NCS1: variants seen among roughly 807,000 people sequenced by gnomAD.
NCS1 encodes the protein neuronal calcium sensor 1.
NCS1 carries 6 observed loss-of-function variants against 28.4 expected under a neutral mutation model. The ratio of observed to expected loss-of-function variants is 0.21; its 90% CI spans 0.12 to 0.42. The LOEUF (loss-of-function observed/expected upper bound fraction) is 0.42. Ranked by LOEUF, NCS1 falls within the 10% of genes least tolerant of loss-of-function variation. The pLI is 1.00. For missense variants in NCS1, 131 were observed against 241.4 expected, an observed-to-expected ratio of 0.54 and a Z score of 3.03; for synonymous variants, 86 against 99.3, an observed-to-expected ratio of 0.87 and a Z score of 0.79.
chr9:130,190,169 C>T (rs1289321669), intron 1 of NCS1, among the ~76,000 whole-genome samples: 2 of 151,716 alleles, frequency 1.3e-5, no homozygotes, highest in Non-Finnish European at 2.9e-5. Context: ...CCACCTAAAA[C>T]AAGAACATGC....
At chr9:130,198,178 G>A (rs1832899658) in intron 1 of NCS1, among the ~76,000 whole-genome samples, 1 of 152,216 alleles carries the variant, frequency 6.6e-6, no homozygotes, top group African/African-American at 2.4e-5. Flanking sequence ...GGTTCTGTGG[G>A]GGGACCTTTC....
chr9:130,219,032 A>G lies in NCS1; in HGVS notation c.229-693A>G, dbSNP rs1554909812. Among the ~76,000 whole-genome samples the G allele has an allele frequency of 3.3e-5, 5 of 152,178 alleles. No homozygotes were observed. Among genetic ancestry groups the G allele is most frequent in the African/African-American group, 1.2e-4 (5 of 41,428 alleles). ...TTCCTGGCGTTTTCCACTGAGCATC[A>G]TGTTTTCAAGACTTACCATGTGGTA... On this transcript the variant is annotated intron_variant, in intron 3 of 7. Transcript: ENST00000372398. The surrounding 1 kb of genome is among the most constrained non-coding windows in gnomAD (Gnocchi z 5.7).
At chr9:130,216,130 G>A (rs574574606) in intron 2 of NCS1, among the ~76,000 whole-genome samples, 1 of 152,310 alleles carries the variant, frequency 6.6e-6, no homozygotes, top group African/African-American at 2.4e-5. Flanking sequence ...ATTGGGGAGG[G>A]GGACGGTGGC....
intron 4 of NCS1, among the ~76,000 whole-genome samples, chr9:130,221,906 T>C (rs1204290692): frequency 1.0e-5 from 1 of 95,422 alleles, no homozygotes; most frequent in African/African-American, 4.6e-5. Flanking sequence ...ATTATGTATA[T>C]ATAAATATAT....
chr9:130,190,187 G>T (rs1349452189), intron 1 of NCS1, among the ~76,000 whole-genome samples: 1 of 152,056 alleles, frequency 6.6e-6, no homozygotes, highest in Admixed American at 6.5e-5. Context: ...TGCATTCTGT[G>T]AGAACACACA....
chr9:130,194,636 T>G (rs1832856611), intron 1 of NCS1, among the ~76,000 whole-genome samples: 1 of 151,840 alleles, frequency 6.6e-6, no homozygotes, highest in African/African-American at 2.4e-5. Context: ...GACTTGGAGG[T>G]TCAGAGGGGT....
chr9:130,184,147 G>A (rs577807448), intron 1 of NCS1, among the ~76,000 whole-genome samples: 1 of 152,218 alleles, frequency 6.6e-6, no homozygotes, highest in South Asian at 2.1e-4. Context: ...GAAACAGAAA[G>A]AGCCCTAGAC....
At chr9:130,176,581 C>T (rs2131113010) in intron 1 of NCS1, among the ~76,000 whole-genome samples, 1 of 152,352 alleles carries the variant, frequency 6.6e-6, no homozygotes, top group South Asian at 2.1e-4. Flanking sequence ...CTTCTCTCCA[C>T]AGAGGAATCT....
Position 130,232,023 on chromosome 9 carries a change from T to C in NCS1, c.*18-967T>C, listed in dbSNP as rs1349737419. On this transcript the variant is annotated intron_variant, in intron 7 of 7. Transcript: ENST00000372398. This position sits in a 1 kb window ranked among gnomAD's most constrained non-coding sequence, Gnocchi z 4.4. Reference sequence around the variant, plus strand: ...GTGCAGTGATGCAATCTCGGCTCACTGCAACCTCTGCCTCCCAGGTTCAAG... The same window carrying C: ...GTGCAGTGATGCAATCTCGGCTCACCGCAACCTCTGCCTCCCAGGTTCAAG... 6.6e-6 allele frequency among the ~76,000 whole-genome samples: 1 copy of C among 151,186 alleles called. No homozygotes were observed. Among genetic ancestry groups the C allele is most frequent in the Non-Finnish European group, 1.5e-5 (1 of 67,862 alleles).
chr9:130,219,099 G>A lies in NCS1; in HGVS notation c.229-626G>A, dbSNP rs531869604. Among the ~76,000 whole-genome samples, 2 of 152,174 alleles carry A rather than the reference G, an allele frequency of 1.3e-5. No individual in the cohort carries two copies. The highest frequency in any genetic ancestry group is 2.9e-5 in the Non-Finnish European group (2 of 67,982). ...GGCAGTGGCTGCACGGATAGCTGTTGGGTTATCTGCGATGACCCTGATTCT... is the reference window on the plus strand; with the variant it reads ...GGCAGTGGCTGCACGGATAGCTGTTAGGTTATCTGCGATGACCCTGATTCT... On this transcript the variant is annotated intron_variant, in intron 3 of 7. Transcript: ENST00000372398. The surrounding 1 kb of genome is among the most constrained non-coding windows in gnomAD (Gnocchi z 5.7).
At position 130,173,888 on chromosome 9, in the gene NCS1, C is replaced by T. The variant is rs529492828; in HGVS notation, c.64+1161C>T. Among the ~76,000 whole-genome samples, 25 of 152,314 alleles carry T rather than the reference C, an allele frequency of 1.6e-4. No individual in the cohort carries two copies. In the East Asian group the frequency reaches 3.9e-3, roughly 24 times the overall value. ...ACGTCTGCAGGTCTGTCCAAGCCCA[C>T]GCTTCAGCTCCATGCCCCTCACCCC... is the stretch of plus-strand genomic sequence containing the variant. On this transcript the variant is annotated intron_variant, in intron 1 of 7. Coordinates refer to ENST00000372398, the MANE Select transcript of NCS1 (RefSeq NM_014286.4).
intron 2 of NCS1, among the ~76,000 whole-genome samples, chr9:130,210,818 T>C (rs986514039): frequency 6.6e-6 from 1 of 151,586 alleles, no homozygotes; most frequent in African/African-American, 2.4e-5. Flanking sequence ...AGAAAAAAAA[T>C]TCAACACCTT....
chr9:130,176,683 C>A (rs1047109363), intron 1 of NCS1, among the ~76,000 whole-genome samples: 2 of 152,212 alleles, frequency 1.3e-5, no homozygotes, highest in African/African-American at 2.4e-5. Context: ...TTACGTGTAG[C>A]GGCCTCCGCA....
At chr9:130,229,456 T>C (rs965261075) in intron 7 of NCS1, among the ~76,000 whole-genome samples, 8 of 152,048 alleles carry the variant, frequency 5.3e-5, no homozygotes. Context: ...GGTTTCAGCA[T>C]GTTGGACAGG....
intron 2 of NCS1, among the ~76,000 whole-genome samples, chr9:130,203,140 T>A (rs138930036): frequency 0.16 from 20,832 of 126,784 alleles, 1,914 homozygotes; most frequent in African/African-American, 0.26. Context: ...ATATATATTT[T>A]TTTTTTTTTT....
intron 1 of NCS1, among the ~76,000 whole-genome samples, chr9:130,190,825 C>G (rs566970486): frequency 6.6e-6 from 1 of 152,164 alleles, no homozygotes; most frequent in Admixed American, 6.5e-5. Context: ...TCTGTGAAAC[C>G]GCAGTTTCTT....
chr9:130,212,820 G>T (rs1013085405), intron 2 of NCS1, among the ~76,000 whole-genome samples: 2 of 152,150 alleles, frequency 1.3e-5, no homozygotes, highest in Admixed American at 1.3e-4. Context: ...CTGCAAGAGG[G>T]AGTGTGCAGC....
chr9:130,176,967 A>G (rs887240909), intron 1 of NCS1, among the ~76,000 whole-genome samples: 1 of 151,968 alleles, frequency 6.6e-6, no homozygotes, highest in Non-Finnish European at 1.5e-5. Flanking sequence ...TCTCCTCCCC[A>G]TGATGTTTGC....
At chr9:130,197,330 G>C (rs574346022) in intron 1 of NCS1, among the ~76,000 whole-genome samples, 1 of 152,326 alleles carries the variant, frequency 6.6e-6, no homozygotes, top group East Asian at 1.9e-4. Context: ...AGCAAATTGA[G>C]ATGATTTCAA....
Sources: gnomAD v4.1 joint callset for allele counts (sites outside exome capture counted in the v4.1 genomes callset) on GRCh38, gnomAD v4.1.1 for gene constraint, Gnocchi (gnomAD v3.1) non-coding constraint, MANE v1.5 for transcripts, NCBI Gene and HGNC (gene_info 2026-07-23, HGNC 2026-07-21) for gene names.